KAZN: variants seen among roughly 807,000 people sequenced by gnomAD.
KAZN encodes the protein kazrin, periplakin interacting protein, also known as kazrin.
In KAZN, 40 loss-of-function variants were observed where a neutral mutation model predicts 87.4. That is an observed-to-expected ratio of 0.46 (90% CI 0.36 to 0.60). KAZN has a LOEUF of 0.60. Ranked by LOEUF, KAZN falls within the 20% of genes least tolerant of loss-of-function variation. The pLI, the probability that KAZN is intolerant of heterozygous loss-of-function variation, is 0.00. For missense variants in KAZN, 898 were observed against 1,073.9 expected (o/e 0.84, Z 2.29); for synonymous variants, 466 against 458.3 (o/e 1.02, Z -0.22).
intron 1 of KAZN, among the ~76,000 whole-genome samples, chr1:14,904,558 C>T (rs1656294675): frequency 6.6e-6 from 1 of 152,192 alleles, no homozygotes; most frequent in African/African-American, 2.4e-5. Flanking sequence ...TCTGCACGCA[C>T]TCCAGGCAGC....
At chr1:14,242,771 C>G (rs1470649328) in intron 2 of KAZN, among the ~76,000 whole-genome samples, 1 of 152,206 alleles carries the variant, frequency 6.6e-6, no homozygotes, top group Non-Finnish European at 1.5e-5. Flanking sequence ...TCAGAAAGCT[C>G]TGTTTCCCAG....
chr1:14,826,597 C>T (rs1646894562), intron 1 of KAZN, among the ~76,000 whole-genome samples: 1 of 152,200 alleles, frequency 6.6e-6, no homozygotes, highest in Non-Finnish European at 1.5e-5. Context: ...CCCGCGCTGG[C>T]CGTTTCCCTC....
At chr1:13,939,510 C>A (rs1640856535) in intron 1 of KAZN, among the ~76,000 whole-genome samples, 1 of 152,212 alleles carries the variant, frequency 6.6e-6, no homozygotes. Context: ...TGGTCACAAC[C>A]ATTTAACCAG....
At chr1:14,197,717 A>G (rs778342873) in intron 2 of KAZN, among the ~76,000 whole-genome samples, 1 of 152,170 alleles carries the variant, frequency 6.6e-6, no homozygotes, top group African/African-American at 2.4e-5. Flanking sequence ...ACAAAAAAGA[A>G]AAACCACCAC....
intron 1 of KAZN, among the ~76,000 whole-genome samples, chr1:14,170,138 T>G (rs1264725269): frequency 6.6e-6 from 1 of 152,178 alleles, no homozygotes; most frequent in Non-Finnish European, 1.5e-5. Context: ...TTGCAGTTCA[T>G]CAGCTCTCAA....
At chr1:14,050,551 A>C (rs1642285174) in intron 1 of KAZN, among the ~76,000 whole-genome samples, 1 of 152,332 alleles carries the variant, frequency 6.6e-6, no homozygotes, top group Non-Finnish European at 1.5e-5. Context: ...CAAACCCATC[A>C]GATCTCCTGA....
At position 14,599,258 on chromosome 1, in the gene KAZN, CG is replaced by C; in HGVS notation, c.226+36del. On this transcript the variant is annotated intron_variant, in intron 1 of 14. Transcript: ENST00000376030. The surrounding 1 kb of genome is among the most constrained non-coding windows in gnomAD (Gnocchi z 4.4). Reference sequence around the variant, plus strand: ...CCCCGGCGCCCAGGGCGGAGGAAGGCGAGCAGAGCACGCCCGGCCTCGGAGG... The same window carrying C: ...CCCCGGCGCCCAGGGCGGAGGAAGGCAGCAGAGCACGCCCGGCCTCGGAGG... 7.5e-7 allele frequency: 1 copy of C among 1,334,636 alleles called. No individual in the cohort carries two copies. Among genetic ancestry groups the C allele is most frequent in the Non-Finnish European group, 9.5e-7 (1 of 1,047,228 alleles). 82.7% of individuals were successfully genotyped at this position (1,334,636 alleles called of 1,614,324 possible). A position where few individuals can be genotyped will look rare whatever the true frequency, so the allele number is the denominator to read the frequency against.
chr1:14,912,612 C>T (rs1572809282), intron 1 of KAZN, among the ~76,000 whole-genome samples: 1 of 152,274 alleles, frequency 6.6e-6, no homozygotes, highest in Non-Finnish European at 1.5e-5. Flanking sequence ...AACTCCGGGG[C>T]TCAAGCAATC....
At position 13,981,089 on chromosome 1, in the gene KAZN, T is replaced by TATATATATATATATATATATA. The variant is rs1553181094; in HGVS notation, c.91+87333_91+87334insATATATATATATATATATATA. Among the ~76,000 whole-genome samples the TATATATATATATATATATATA allele has an allele frequency of 7.5e-3, 470 of 63,072 alleles. 54 individuals are homozygous for TATATATATATATATATATATA. Among genetic ancestry groups the TATATATATATATATATATATA allele is most frequent in the Middle Eastern group, 0.029 (2 of 70 alleles). 41.4% of individuals were successfully genotyped at this position (63,072 alleles called of 152,430 possible). A position where few individuals can be genotyped will look rare whatever the true frequency, so the allele number is the denominator to read the frequency against. ...TTGGAGAGGTATAAAAAATTACTCT[T>TATATATATATATATATATATA]TATATATATATATATATATATGTAT... On this transcript the variant is annotated intron_variant, in intron 1 of 16. Coordinates refer to the KAZN transcript ENST00000636203.
chr1:14,610,465 G>A (rs999360563), intron 1 of KAZN, among the ~76,000 whole-genome samples: 1 of 151,458 alleles, frequency 6.6e-6, no homozygotes, highest in Non-Finnish European at 1.5e-5. Flanking sequence ...CCTCGTGATC[G>A]ACCCACCTCA....
intron 1 of KAZN, among the ~76,000 whole-genome samples, chr1:14,007,131 A>G (rs1408581183): frequency 2.0e-5 from 3 of 151,820 alleles, no homozygotes; most frequent in African/African-American, 7.3e-5. Flanking sequence ...GTTTTTTTAG[A>G]TAAGTCTTGA....
intron 2 of KAZN, among the ~76,000 whole-genome samples, chr1:14,490,475 T>G (rs1390157585): frequency 6.6e-6 from 1 of 151,966 alleles, no homozygotes; most frequent in Non-Finnish European, 1.5e-5. Context: ...TTGTTTTTTT[T>G]GTTTGTTTTT....
chr1:14,588,597 A>AG (rs1675997844), intron 2 of KAZN, among the ~76,000 whole-genome samples: 1 of 152,192 alleles, frequency 6.6e-6, no homozygotes, highest in African/African-American at 2.4e-5. Flanking sequence ...GCCTGAGAGA[A>AG]GGGGGCAAAT....
At position 14,048,802 on chromosome 1, in the gene KAZN, G is replaced by T. The variant is rs183214987; in HGVS notation, c.92-131633G>T. 5.9e-5 allele frequency among the ~76,000 whole-genome samples: 9 copies of T among 152,172 alleles called. No homozygotes were observed. In the East Asian group the frequency reaches 1.7e-3, roughly 29 times the overall value. On this transcript the variant is annotated intron_variant, in intron 1 of 16. Coordinates refer to the KAZN transcript ENST00000636203. ...TATATAGCCAGTAATGGGATTGCTG[G>T]GTCAAATGGTATTTCTAGTTCTAGA...
chr1:15,051,109 T>A lies in KAZN; in HGVS notation c.727-4982T>A, dbSNP rs1348209542. Among the ~76,000 whole-genome samples, 13 of 152,376 alleles carry A rather than the reference T, an allele frequency of 8.5e-5. No individual in the cohort carries two copies. In the East Asian group the frequency reaches 2.3e-3, roughly 27 times the overall value. ...GGAGCACCAGCCTTCCGATGTCTGC[T>A]CAGAGGCTCCTGCCTCGGGATCCTC... On this transcript the variant is annotated intron_variant, in intron 4 of 14. Transcript: ENST00000376030.
intron 1 of KAZN, among the ~76,000 whole-genome samples, chr1:14,038,765 G>A (rs755257130): frequency 1.3e-5 from 2 of 152,176 alleles, no homozygotes; most frequent in Non-Finnish European, 2.9e-5. Flanking sequence ...AGTGCAAAGC[G>A]AAGCATGGAG....
chr1:14,553,830 C>T (rs1042353679), intron 2 of KAZN, among the ~76,000 whole-genome samples: 4 of 152,162 alleles, frequency 2.6e-5, no homozygotes, highest in African/African-American at 4.8e-5. Context: ...CCTGGTGGAG[C>T]GTTTTGAAAT....
intron 1 of KAZN, among the ~76,000 whole-genome samples, chr1:14,784,699 C>A (rs1645452521): frequency 1.3e-5 from 2 of 152,116 alleles, no homozygotes; most frequent in South Asian, 4.1e-4. Flanking sequence ...GTCGAGGCTG[C>A]AATGAGCCAA....
Position 14,410,872 on chromosome 1 carries a change from A to G in KAZN, c.250-188111A>G, listed in dbSNP as rs1245303289. 5.3e-5 allele frequency among the ~76,000 whole-genome samples: 8 copies of G among 152,308 alleles called. No individual in the cohort carries two copies. The East Asian group carries it at 1.2e-3, about 22-fold the overall frequency. ...CCTCCAGAGCCTCCGGAGGGAGCAC[A>G]TGGCCCTGCCAACATCTTGATATTA... On this transcript the variant is annotated intron_variant, in intron 2 of 16. Coordinates refer to the KAZN transcript ENST00000636203.
Sources: gnomAD v4.1 joint callset for allele counts (sites outside exome capture counted in the v4.1 genomes callset) on GRCh38, gnomAD v4.1.1 for gene constraint, Gnocchi (gnomAD v3.1) non-coding constraint, MANE v1.5 for transcripts, NCBI Gene and HGNC (gene_info 2026-07-23, HGNC 2026-07-21) for gene names.